Variants in KANSL1L observed in about 807,000 individuals in gnomAD.
KANSL1L encodes the protein KAT8 regulatory NSL complex subunit 1 like.
A neutral mutation model predicts 108.6 loss-of-function variants in KANSL1L; 25 were observed. The ratio of observed to expected loss-of-function variants is 0.23; its 90% CI spans 0.17 to 0.32. The LOEUF is 0.32. Among genes scored for constraint, KANSL1L ranks in the 10% least tolerant of loss-of-function variants. KANSL1L has a pLI of 1.00. For missense variants in KANSL1L, 1,137 were observed against 1,125.7 expected, an observed-to-expected ratio of 1.01 and a Z score of -0.14; for synonymous variants, 405 against 395.1, an observed-to-expected ratio of 1.03 and a Z score of -0.30.
At chr2:210,046,551 A>C (rs1209323662) in intron 6 of KANSL1L, among the ~76,000 whole-genome samples, 1 of 152,134 alleles carries the variant, frequency 6.6e-6, no homozygotes, top group African/African-American at 2.4e-5. Flanking sequence ...GTTTTGAGCA[A>C]ACCAACCCAA....
chr2:210,078,802 A>G (rs1187000241), intron 5 of KANSL1L, among the ~76,000 whole-genome samples: 2 of 152,230 alleles, frequency 1.3e-5, no homozygotes, highest in Non-Finnish European at 2.9e-5. Flanking sequence ...CTTTTTCCCC[A>G]GGAGATGATG....
rs2094824371 is a variant in KANSL1L, at chr2:210,104,229, C to T, written c.1303G>A (p.Ala435Thr). The T allele has an allele frequency of 2.5e-6, 4 of 1,613,772 alleles. No individual in the cohort carries two copies. In the Admixed American group the frequency reaches 5.0e-5, roughly 20 times the overall value. ...LKKQMQFADQ[A>T]ASLNILGNPQ... The stretch of plus-strand genomic sequence containing the variant: ...TTCCCTAGAATGTTTAGTGAAGCTG[C>T]TTGGTCTGCAAATTGCATTTGTTTT... Residue 435 changes from alanine (A) to threonine (T), a missense_variant, in exon 4 of 15, where the codon GCA becomes ACA. Ala to Thr is a moderately conservative substitution (Grantham distance 58). Around this residue, in one of 3 missense-constraint regions of KANSL1L, gnomAD observed 556 missense variants for 537.7 expected, o/e 1.03. Coordinates refer to ENST00000281772, the MANE Select transcript of KANSL1L (RefSeq NM_152519.4).
chr2:210,100,066 A>T (rs1461795939), intron 4 of KANSL1L, among the ~76,000 whole-genome samples: 1 of 152,184 alleles, frequency 6.6e-6, no homozygotes, highest in African/African-American at 2.4e-5. Flanking sequence ...CCTGTTAGAA[A>T]CCAGGCTGCA....
At chr2:210,148,550 C>T (rs1055321049) in intron 2 of KANSL1L, among the ~76,000 whole-genome samples, 1 of 152,148 alleles carries the variant, frequency 6.6e-6, no homozygotes, top group Non-Finnish European at 1.5e-5. Flanking sequence ...CTACAAAAAA[C>T]ATAAAGTCCC....
chr2:210,170,079 A>G (rs1461659279), intron 1 of KANSL1L: 1 of 152,206 alleles, frequency 6.6e-6, no homozygotes, highest in Non-Finnish European at 1.5e-5. Context: ...CTCACTGTTA[A>G]GCCTCTTTCT....
At chr2:210,027,463 T>G (rs2093953777) in intron 11 of KANSL1L, 113 bp from the exon 12 acceptor site, 4 of 674,154 alleles carry the variant, frequency 5.9e-6, no homozygotes, top group Non-Finnish European at 1.1e-5. Context: ...ATGGTTCAAA[T>G]TGTTGTATTT....
chr2:210,079,784 A>C (rs2094575259), intron 5 of KANSL1L: 1 of 76,654 alleles, frequency 1.3e-5, no homozygotes, highest in African/African-American at 5.0e-5. Context: ...CAGCTGAAGC[A>C]ATACATTCCT....
At chr2:210,136,310 A>T (rs917769136) in intron 2 of KANSL1L, among the ~76,000 whole-genome samples, 9 of 152,140 alleles carry the variant, frequency 5.9e-5, no homozygotes, top group African/African-American at 9.7e-5. Flanking sequence ...AAGAAAAAAA[A>T]GGAGAGATTG....
At chr2:210,101,210 G>A (rs938737604) in intron 4 of KANSL1L, among the ~76,000 whole-genome samples, 5 of 152,152 alleles carry the variant, frequency 3.3e-5, no homozygotes, top group Middle Eastern at 3.2e-3. Context: ...TCATGGGCAT[G>A]TAACCTGTGC....
intron 5 of KANSL1L, among the ~76,000 whole-genome samples, chr2:210,094,607 G>A (rs1374205074): frequency 6.6e-6 from 1 of 151,940 alleles, no homozygotes; most frequent in African/African-American, 2.4e-5. Context: ...TTCATATAAT[G>A]CTATAATATA....
intron 3 of KANSL1L, among the ~76,000 whole-genome samples, chr2:210,123,232 T>C (rs1257992595): frequency 6.6e-6 from 1 of 152,186 alleles, no homozygotes; most frequent in African/African-American, 2.4e-5. Flanking sequence ...ATCTGCACCC[T>C]TATGTTTATG....
chr2:210,032,906 G>C (rs1380704399), intron 8 of KANSL1L: 1 of 152,184 alleles, frequency 6.6e-6, no homozygotes, highest in African/African-American at 2.4e-5. Flanking sequence ...CTTTAAAACA[G>C]TATTGCCAAG....
chr2:210,073,179 G>A (rs753484636), intron 6 of KANSL1L, among the ~76,000 whole-genome samples: 1 of 151,928 alleles, frequency 6.6e-6, no homozygotes, highest in Admixed American at 6.6e-5. Context: ...TTAACATTAC[G>A]ATGTTCCAGG....
At chr2:210,161,039 A>G (rs1040252056) in intron 1 of KANSL1L, among the ~76,000 whole-genome samples, 3 of 136,840 alleles carry the variant, frequency 2.2e-5, no homozygotes, top group African/African-American at 5.6e-5. Context: ...CCCAGGCTGG[A>G]GTGCAATGGC....
intron 6 of KANSL1L, among the ~76,000 whole-genome samples, chr2:210,058,142 A>G (rs983136647): frequency 6.6e-6 from 1 of 152,222 alleles, no homozygotes; most frequent in African/African-American, 2.4e-5. Context: ...TCAGCAAGGA[A>G]CATCCCTGAG....
chr2:210,113,533 A>T (rs1490263048), intron 3 of KANSL1L, among the ~76,000 whole-genome samples: 3 of 152,134 alleles, frequency 2.0e-5, no homozygotes, highest in African/African-American at 7.2e-5. Flanking sequence ...AACAAAAAGC[A>T]TACAATGAAA....
chr2:210,087,545 T>C (rs1003506951), intron 5 of KANSL1L, among the ~76,000 whole-genome samples: 2 of 152,206 alleles, frequency 1.3e-5, no homozygotes, highest in African/African-American at 4.8e-5. Flanking sequence ...ATATTCCTTA[T>C]GAATGCTGAG....
intron 6 of KANSL1L, among the ~76,000 whole-genome samples, chr2:210,074,917 T>C (rs1209031277): frequency 6.6e-6 from 1 of 152,210 alleles, no homozygotes; most frequent in African/African-American, 2.4e-5. Context: ...TAACTTATTT[T>C]GCTTTTCATC....
intron 2 of KANSL1L, among the ~76,000 whole-genome samples, chr2:210,144,140 A>G (rs947812751): frequency 7.2e-5 from 11 of 152,094 alleles, no homozygotes; most frequent in Non-Finnish European, 1.3e-4. Flanking sequence ...CACTTTGAAT[A>G]TATCATCCCA....
Sources: gnomAD v4.1 joint callset for allele counts (sites outside exome capture counted in the v4.1 genomes callset) on GRCh38, gnomAD v4.1.1 for gene constraint, gnomAD v4.1.1 regional missense constraint, MANE v1.5 for transcripts, NCBI Gene and HGNC (gene_info 2026-07-23, HGNC 2026-07-21) for gene names.